DAB1: variants seen among roughly 807,000 people sequenced by gnomAD.
DAB1 encodes the protein disabled homolog 1.
A neutral mutation model predicts 64.6 loss-of-function variants in DAB1; 15 were observed. That is an observed-to-expected ratio of 0.23 (90% CI 0.16 to 0.36). The LOEUF (loss-of-function observed/expected upper bound fraction) is 0.36. Ranked by LOEUF, DAB1 falls within the 10% of genes least tolerant of loss-of-function variation. The pLI, the probability that DAB1 is intolerant of heterozygous loss-of-function variation, is 1.00. For synonymous variants in DAB1, 235 were observed against 251.9 expected (o/e 0.93, Z 0.64); for missense variants, 596 against 706.7 (o/e 0.84, Z 1.78).
intron 1 of DAB1, chr1:57,387,021 T>C (rs1681926148): frequency 6.6e-6 from 1 of 152,160 alleles, no homozygotes; most frequent in South Asian, 2.1e-4. Flanking sequence ...ATAGTCAGTC[T>C]AACCCTGTTT....
intron 4 of DAB1, among the ~76,000 whole-genome samples, chr1:58,322,477 A>C (rs1416752577): frequency 6.6e-6 from 1 of 152,220 alleles, no homozygotes; most frequent in East Asian, 1.9e-4. Context: ...CAGCCAACAG[A>C]CACATGAAAA....
intron 2 of DAB1, among the ~76,000 whole-genome samples, chr1:57,237,061 T>G (rs2100456651): frequency 6.6e-6 from 1 of 152,318 alleles, no homozygotes; most frequent in Admixed American, 6.5e-5. Context: ...AGCTAAAATT[T>G]CCCCCAGAGG....
At chr1:57,694,546 A>G (rs999345703) in intron 6 of DAB1, among the ~76,000 whole-genome samples, 28 of 152,190 alleles carry the variant, frequency 1.8e-4, no homozygotes, top group African/African-American at 6.0e-4. Context: ...CCCCTAAAAA[A>G]GAGGTTAAAA....
At chr1:57,413,672 A>C (rs888372557) in intron 1 of DAB1, among the ~76,000 whole-genome samples, 7 of 141,058 alleles carry the variant, frequency 5.0e-5, no homozygotes, top group Non-Finnish European at 1.1e-4. Context: ...TGAACTCGGG[A>C]GGTAGAGCTT....
chr1:57,443,083 G>A (rs561620948), intron 7 of DAB1, among the ~76,000 whole-genome samples: 1 of 152,222 alleles, frequency 6.6e-6, no homozygotes, highest in African/African-American at 2.4e-5. Context: ...GTCTATCATG[G>A]GTACATAATG....
intron 7 of DAB1, among the ~76,000 whole-genome samples, chr1:57,582,721 C>A (rs1326409114): frequency 6.6e-6 from 1 of 152,248 alleles, no homozygotes; most frequent in African/African-American, 2.4e-5. Context: ...GGGTCCGATG[C>A]CACTCCAACA....
intron 4 of DAB1, among the ~76,000 whole-genome samples, chr1:58,277,349 A>T (rs572382915): frequency 1.6e-4 from 25 of 152,228 alleles, no homozygotes; most frequent in African/African-American, 6.0e-4. Flanking sequence ...CGATGCAAAG[A>T]CTTTTAAAGC....
intron 7 of DAB1, among the ~76,000 whole-genome samples, chr1:57,493,764 T>TCACACA (rs397963642): frequency 1.4e-5 from 2 of 148,142 alleles, no homozygotes; most frequent in Admixed American, 6.8e-5. Flanking sequence ...TATTCACAGC[T>TCACACA]CACACACACA....
chr1:57,629,369 C>T (rs908646585), intron 7 of DAB1, among the ~76,000 whole-genome samples: 28 of 152,142 alleles, frequency 1.8e-4, no homozygotes, highest in African/African-American at 6.3e-4. Context: ...TGTGAAAAAC[C>T]CACCCACCTA....
At chr1:57,996,939 T>G (rs554091048) in intron 5 of DAB1, among the ~76,000 whole-genome samples, 1 of 152,214 alleles carries the variant, frequency 6.6e-6, no homozygotes, top group South Asian at 2.1e-4. Flanking sequence ...TAGTTAGGCA[T>G]GAGCAGAGCA....
At chr1:58,187,462 T>TAAGA (rs1363798200) in intron 4 of DAB1, among the ~76,000 whole-genome samples, 4 of 151,024 alleles carry the variant, frequency 2.6e-5, no homozygotes, top group Non-Finnish European at 4.4e-5. Flanking sequence ...GACCACACAG[T>TAAGA]AAGACCCTGT....
intron 6 of DAB1, among the ~76,000 whole-genome samples, chr1:57,765,588 T>A (rs1254624108): frequency 6.6e-6 from 1 of 152,134 alleles, no homozygotes; most frequent in East Asian, 1.9e-4. Context: ...CTTCGTGCCC[T>A]CTGCCTTACC....
intron 3 of DAB1, among the ~76,000 whole-genome samples, chr1:58,450,843 A>G (rs990424360): frequency 7.9e-5 from 12 of 152,250 alleles, no homozygotes; most frequent in African/African-American, 2.9e-4. Context: ...GGTTAAAGTC[A>G]GCAGTTATGT....
chr1:57,564,439 T>C (rs1018919147), intron 7 of DAB1, among the ~76,000 whole-genome samples: 2 of 152,028 alleles, frequency 1.3e-5, no homozygotes, highest in African/African-American at 4.8e-5. Context: ...GGATGGAAAA[T>C]GACTTTGATG....
At chr1:58,193,159 G>C (rs1482885154) in intron 4 of DAB1, among the ~76,000 whole-genome samples, 1 of 152,134 alleles carries the variant, frequency 6.6e-6, no homozygotes, top group Non-Finnish European at 1.5e-5. Flanking sequence ...GAGTAGATTA[G>C]TGCCCTCCCT....
chr1:57,593,669 C>G (rs1312137249), intron 7 of DAB1, among the ~76,000 whole-genome samples: 1 of 152,154 alleles, frequency 6.6e-6, no homozygotes, highest in Non-Finnish European at 1.5e-5. Context: ...TTTTGGCACA[C>G]AGGGAACTTC....
chr1:58,480,061 T>C (rs1645458548), intron 3 of DAB1, among the ~76,000 whole-genome samples: 1 of 152,158 alleles, frequency 6.6e-6, no homozygotes, highest in South Asian at 2.1e-4. Context: ...AATACAAATA[T>C]TAAATAACTC....
chr1:57,376,327 A>G (rs775196302), intron 1 of DAB1, among the ~76,000 whole-genome samples: 1 of 152,224 alleles, frequency 6.6e-6, no homozygotes, highest in Non-Finnish European at 1.5e-5. Context: ...ATCTAGACTT[A>G]GCCTTGCACA....
At chr1:58,058,018 C>T (rs960854374) in intron 5 of DAB1, among the ~76,000 whole-genome samples, 3 of 152,018 alleles carry the variant, frequency 2.0e-5, no homozygotes, top group Non-Finnish European at 2.9e-5. Flanking sequence ...CATCACAACA[C>T]CTATCACATT....
Sources: gnomAD v4.1 joint callset for allele counts (sites outside exome capture counted in the v4.1 genomes callset) on GRCh38, gnomAD v4.1.1 for gene constraint, MANE v1.5 for transcripts, NCBI Gene and HGNC (gene_info 2026-07-23, HGNC 2026-07-21) for gene names.